OR4C46: variants seen among roughly 807,000 people sequenced by gnomAD.
OR4C46 encodes the protein olfactory receptor family 4 subfamily C member 46.
A neutral mutation model predicts 11.8 loss-of-function variants in OR4C46; 17 were observed. The observed-to-expected ratio is 1.44, with a 90% CI of 0.98 to 2.16. The LOEUF (loss-of-function observed/expected upper bound fraction) is 2.16, where lower values mean the gene tolerates loss of function less well. OR4C46 is among the 30% of genes most tolerant of loss of function. OR4C46 has a pLI of 0.00. For synonymous variants in OR4C46, 224 were observed against 137.6 expected, an observed-to-expected ratio of 1.63 and a Z score of -4.39; for missense variants, 606 against 372.1, an observed-to-expected ratio of 1.63 and a Z score of -5.17.
At position 54,603,072 on chromosome 11, in the gene OR4C46, T is replaced by C; in HGVS notation, c.927A>G (p.Lys309=). 6.6e-7 allele frequency: 1 copy of C among 1,521,652 alleles called. No homozygotes were observed. The highest frequency in any genetic ancestry group is 9.0e-7 in the Non-Finnish European group (1 of 1,105,544). The allele number at this position is 1,521,652 out of a possible 1,614,324, so 94.3% of individuals were successfully genotyped here. ...CAATGTTGAGCTCTAGTTACATTTA[T>C]TTGTCACCTGAAATGTCCTTTCTAC... ...LCSRKDISGD[K] is the part of the protein sequence containing the mutation. The change falls in exon 1 of 1, where the codon AAA becomes AAG. Residue 309 remains lysine (K), a synonymous_variant. Transcript: ENST00000328188.
In OR4C46 at chr11:54,603,702, G is replaced by T; in HGVS notation, c.297C>A (p.Val99=). Residue 99 remains valine (V), a synonymous_variant, in exon 1 of 1, where the codon GTC becomes GTA. Transcript: ENST00000328188. ...AILFNGCMTQ[V]FGEHFFGGAE... is the part of the protein sequence containing the mutation. ...CACCTCCGAAGAAATGTTCTCCAAA[G>T]ACTTGAGTCATGCATCCATTGAATA... 1 of 1,614,038 alleles carries T rather than the reference G, an allele frequency of 6.2e-7. No individual in the cohort carries two copies. Among genetic ancestry groups the T allele is most frequent in the Non-Finnish European group, 8.5e-7 (1 of 1,179,944 alleles).
rs776052214 is a variant in OR4C46 at position 54,603,888 on chromosome 11, C to G, written c.111G>C (p.Val37=). Residue 37 remains valine, a synonymous_variant, in exon 1 of 1, where the codon GTG becomes GTC. Transcript: ENST00000328188. ...VVFFVIYIIT[V]VGYVLIVVTI... ...TGACCACAATGAGCACATATCCCAC[C>G]ACAGTGATGATATAGATGACAAAAA... 6.2e-7 allele frequency: 1 copy of G among 1,613,718 alleles called. No individual in the cohort carries two copies. The highest frequency in any genetic ancestry group is 8.5e-7 in the Non-Finnish European group (1 of 1,179,830).
Position 54,603,936 on chromosome 11 carries a change from C to T in OR4C46, c.63G>A (p.Met21Ile), listed in dbSNP as rs372066510. The T allele has an allele frequency of 1.2e-5, 19 of 1,613,670 alleles. No homozygotes were observed. The highest frequency in any genetic ancestry group is 2.7e-5 in the African/African-American group (2 of 74,848). ...VLLGLTENPKMQKIIFVVFFV... is the reference protein window; with the variant it reads ...VLLGLTENPKIQKIIFVVFFV... ...AAAACACAACAAATATGATTTTCTG[C>T]ATCTTTGGATTCTCTGTAAGCCCCA... Residue 21 changes from methionine to isoleucine, a missense_variant, in exon 1 of 1, where the codon ATG becomes ATA. Met to Ile is a conservative substitution (Grantham distance 10). Coordinates refer to ENST00000328188, the MANE Select transcript of OR4C46 (RefSeq NM_001004703.1).
Position 54,603,765 on chromosome 11 carries a change from G to A in OR4C46, c.234C>T (p.Asn78=). The A allele has an allele frequency of 6.2e-7, 1 of 1,613,752 alleles. No individual in the cohort carries two copies. Among genetic ancestry groups the A allele is most frequent in the Non-Finnish European group, 8.5e-7 (1 of 1,179,816 alleles). Residue 78 remains asparagine (N), a synonymous_variant, in exon 1 of 1, where the codon AAC becomes AAT. Transcript: ENST00000328188. ...TTCCATAGAGTGAATGTGTGATCAG[G>A]TTAGGGGTATTGACAGAGGAATAGC... ...DACYSSVNTP[N]LITHSLYGKK...
In OR4C46 at chr11:54,603,444, G is replaced by A. The variant is rs150604998; in HGVS notation, c.555C>T (p.Leu185=). 231 of 1,613,708 alleles carry A rather than the reference G, an allele frequency of 1.4e-4. 1 individual carries two copies. In the African/African-American group the frequency reaches 2.7e-3, roughly 19 times the overall value. Residue 185 remains leucine, a synonymous_variant, in exon 1 of 1, where the codon CTC becomes CTT. Transcript: ENST00000328188. ...CCAGCATATGGGTGTCAGTGCAGGCGAGGTTGAGCAAAGGGTTCAGATCAC... is the reference window on the plus strand; with the variant it reads ...CCAGCATATGGGTGTCAGTGCAGGCAAGGTTGAGCAAAGGGTTCAGATCAC... The part of the protein sequence containing the change: ...FMCDLNPLLN[L]ACTDTHMLEL...
Position 54,603,248 on chromosome 11 carries a change from G to A in OR4C46, c.751C>T (p.Pro251Ser), listed in dbSNP as rs764016664. The A allele has an allele frequency of 1.2e-5, 20 of 1,612,366 alleles. No individual in the cohort carries two copies. Among genetic ancestry groups the A allele is most frequent in the South Asian group, 2.2e-5 (2 of 91,052 alleles). Residue 251 changes from proline (P) to serine (S), a missense_variant, in exon 1 of 1, where the codon CCC (proline) becomes TCC (serine). Physicochemically the swap from Pro to Ser is moderately conservative, Grantham distance 74. Coordinates refer to ENST00000328188, the MANE Select transcript of OR4C46 (RefSeq NM_001004703.1). ...HITVVILFFV[P>S]CIFVYMRPAA... ...GGTCTCATGTACACAAATATGCAGGGCACAAAGAATAAGATGACAACCGTG... is the reference window on the plus strand; with the variant it reads ...GGTCTCATGTACACAAATATGCAGGACACAAAGAATAAGATGACAACCGTG...
chr11:54,603,592 T>G lies in OR4C46; in HGVS notation c.407A>C (p.Gln136Pro). 2 of 1,614,100 alleles carry G rather than the reference T, an allele frequency of 1.2e-6. No homozygotes were observed. The highest frequency in any genetic ancestry group is 1.7e-6 in the Non-Finnish European group (2 of 1,179,984). ...TCCCATTAGCAGGGCACACACACACTGGTTCATGATAGTCATATAGTGCAA... is the reference window on the plus strand; with the variant it reads ...TCCCATTAGCAGGGCACACACACACGGGTTCATGATAGTCATATAGTGCAA... ...KPLHYMTIMN[Q>P]CVCALLMGVV... The change falls in exon 1 of 1, where the codon CAG (glutamine) becomes CCG (proline). Residue 136 changes from glutamine (Q) to proline (P), a missense_variant. Gln to Pro is a moderately conservative substitution (Grantham distance 76). Coordinates refer to ENST00000328188, the MANE Select transcript of OR4C46 (RefSeq NM_001004703.1).
Position 54,603,938 on chromosome 11 carries a change from T to C in OR4C46, c.61A>G (p.Met21Val), listed in dbSNP as rs751891587. Residue 21 changes from methionine to valine, a missense_variant, in exon 1 of 1, where the codon ATG becomes GTG. Transcript: ENST00000328188. Reference sequence around the variant, plus strand: ...AACACAACAAATATGATTTTCTGCATCTTTGGATTCTCTGTAAGCCCCAGC... The same window carrying C: ...AACACAACAAATATGATTTTCTGCACCTTTGGATTCTCTGTAAGCCCCAGC... Reference protein sequence around the residue: ...VLLGLTENPKMQKIIFVVFFV... With the variant: ...VLLGLTENPKVQKIIFVVFFV... 1 of 1,613,864 alleles carries C rather than the reference T, an allele frequency of 6.2e-7. No individual in the cohort carries two copies. Among genetic ancestry groups the C allele is most frequent in the Non-Finnish European group, 8.5e-7 (1 of 1,179,814 alleles).
chr11:54,603,894 G>T lies in OR4C46; in HGVS notation c.105C>A (p.Ile35=), dbSNP rs1462483093. The change falls in exon 1 of 1, where the codon ATC becomes ATA. Residue 35 remains isoleucine (I), a synonymous_variant. Coordinates refer to ENST00000328188, the MANE Select transcript of OR4C46 (RefSeq NM_001004703.1). ...IFVVFFVIYI[I]TVVGYVLIVV... ...CAATGAGCACATATCCCACCACAGT[G>T]ATGATATAGATGACAAAAAACACAA... is the stretch of plus-strand genomic sequence containing the variant. 1 of 1,613,582 alleles carries T rather than the reference G, an allele frequency of 6.2e-7. No individual in the cohort carries two copies. Among genetic ancestry groups the T allele is most frequent in the South Asian group, 1.1e-5 (1 of 91,078 alleles).
chr11:54,603,279 G>T lies in OR4C46; in HGVS notation c.720C>A (p.Ser240=). 1.2e-6 allele frequency: 2 copies of T among 1,613,392 alleles called. No homozygotes were observed. The highest frequency in any genetic ancestry group is 1.7e-6 in the Non-Finnish European group (2 of 1,179,472). ...AGAATAAGATGACAACCGTGATGTG[G>T]GAGACACAGGTGGAGAGGGCTTTGT... The part of the protein sequence containing the change: ...ARHKALSTCV[S]HITVVILFFV... The change falls in exon 1 of 1, where the codon TCC becomes TCA. Residue 240 remains serine, a synonymous_variant. Coordinates refer to ENST00000328188, the MANE Select transcript of OR4C46 (RefSeq NM_001004703.1).
rs1384237653 is a variant in OR4C46 at position 54,603,885 on chromosome 11, C to A, written c.114G>T (p.Val38=). 3 of 1,613,506 alleles carry A rather than the reference C, an allele frequency of 1.9e-6. No homozygotes were observed. In the South Asian group the frequency reaches 3.3e-5, roughly 18 times the overall value. ...VFFVIYIITV[V]GYVLIVVTIT... Reference sequence around the variant, plus strand: ...TGGTGACCACAATGAGCACATATCCCACCACAGTGATGATATAGATGACAA... The same window carrying A: ...TGGTGACCACAATGAGCACATATCCAACCACAGTGATGATATAGATGACAA... Residue 38 remains valine (V), a synonymous_variant, in exon 1 of 1, where the codon GTG becomes GTT. Coordinates refer to ENST00000328188, the MANE Select transcript of OR4C46 (RefSeq NM_001004703.1).
chr11:54,603,121 T>C lies in OR4C46; in HGVS notation c.878A>G (p.Lys293Arg). 1 of 1,523,392 alleles carries C rather than the reference T, an allele frequency of 6.6e-7. No individual in the cohort carries two copies. Among genetic ancestry groups the C allele is most frequent in the South Asian group, 1.2e-5 (1 of 86,174 alleles). The allele number at this position is 1,523,392 out of a possible 1,614,324, so 94.4% of individuals were successfully genotyped here. Reference protein sequence around the residue: ...LIYTLKNAQMKNAIRKLCSRK... With the variant: ...LIYTLKNAQMRNAIRKLCSRK... Reference sequence around the variant, plus strand: ...ACTACACAATTTCCTGATGGCATTTTTCATCTGGGCATTCTTCAAGGTATA... The same window carrying C: ...ACTACACAATTTCCTGATGGCATTTCTCATCTGGGCATTCTTCAAGGTATA... Residue 293 changes from lysine (K) to arginine (R), a missense_variant, in exon 1 of 1, where the codon AAA (lysine) becomes AGA (arginine). By Grantham distance (26) the Lys-to-Arg change is conservative. Coordinates refer to ENST00000328188, the MANE Select transcript of OR4C46 (RefSeq NM_001004703.1).
chr11:54,603,286 C>A lies in OR4C46; in HGVS notation c.713G>T (p.Cys238Phe). The change falls in exon 1 of 1, where the codon TGT becomes TTT. Residue 238 changes from cysteine (C) to phenylalanine (F), a missense_variant. By Grantham distance (205) the Cys-to-Phe change is radical (BLOSUM62 -2). Transcript: ENST00000328188. ...LEARHKALSTCVSHITVVILF... is the reference protein window; with the variant it reads ...LEARHKALSTFVSHITVVILF... ...GATGACAACCGTGATGTGGGAGACACAGGTGGAGAGGGCTTTGTGCCTTGC... is the reference window on the plus strand; with the variant it reads ...GATGACAACCGTGATGTGGGAGACAAAGGTGGAGAGGGCTTTGTGCCTTGC... 1 of 1,613,348 alleles carries A rather than the reference C, an allele frequency of 6.2e-7. No homozygotes were observed.
rs1197264980 is a variant in OR4C46, at chr11:54,603,817, AG to A, written c.181del (p.Leu61TrpfsTer19). On this transcript the variant is annotated frameshift_variant, in exon 1 of 1. Transcript: ENST00000328188. LOFTEE classifies it high-confidence loss of function. ...GGCATCAATAAAGGAGAGATAGGCC[AG>A]GGAAAGGTACATGGGGGACCCCAGT... is the stretch of plus-strand genomic sequence containing the variant. ...PSLGSPMYLS[L>X]AYLSFIDACY... 1 of 1,613,922 alleles carries A rather than the reference AG, an allele frequency of 6.2e-7. No individual in the cohort carries two copies. The highest frequency in any genetic ancestry group is 8.5e-7 in the Non-Finnish European group (1 of 1,179,822).
Position 54,603,326 on chromosome 11 carries a change from T to C in OR4C46, c.673A>G (p.Thr225Ala), listed in dbSNP as rs571215123. Residue 225 changes from threonine to alanine, a missense_variant, in exon 1 of 1, where the codon ACT becomes GCT. Physicochemically the swap from Thr to Ala is moderately conservative, Grantham distance 58 (BLOSUM62 0). Coordinates refer to ENST00000328188, the MANE Select transcript of OR4C46 (RefSeq NM_001004703.1). The stretch of plus-strand genomic sequence containing the variant: ...TTGTGCCTTGCCTCCAAGCTATGAG[T>C]CCTTAGGGAGCACAAGATGACCACA... ...SYVVILCSLR[T>A]HSLEARHKAL... The C allele has an allele frequency of 3.1e-6, 5 of 1,613,424 alleles. No homozygotes were observed. In the Admixed American group the frequency reaches 5.0e-5, roughly 16 times the overall value.
At position 54,603,963 on chromosome 11, in the gene OR4C46, C is replaced by A. The variant is rs774252265; in HGVS notation, c.36G>T (p.Leu12Phe). The A allele has an allele frequency of 2.5e-6, 4 of 1,613,658 alleles. No homozygotes were observed. Among genetic ancestry groups the A allele is most frequent in the Admixed American group, 1.7e-5 (1 of 60,002 alleles). Residue 12 changes from leucine (L) to phenylalanine (F), a missense_variant, in exon 1 of 1, where the codon TTG becomes TTT. Coordinates refer to ENST00000328188, the MANE Select transcript of OR4C46 (RefSeq NM_001004703.1). Reference sequence around the variant, plus strand: ...TCTTTGGATTCTCTGTAAGCCCCAGCAAAACAAACTCTGTCATGTTATTCC... The same window carrying A: ...TCTTTGGATTCTCTGTAAGCCCCAGAAAAACAAACTCTGTCATGTTATTCC... ...ENRNNMTEFVLLGLTENPKMQ... is the reference protein window; with the variant it reads ...ENRNNMTEFVFLGLTENPKMQ...
In OR4C46 at chr11:54,603,954, A is replaced by T. The variant is rs200769217; in HGVS notation, c.45T>A (p.Leu15=). 1.9e-6 allele frequency: 3 copies of T among 1,613,816 alleles called. No homozygotes were observed. In the Admixed American group the frequency reaches 5.0e-5, roughly 27 times the overall value. The stretch of plus-strand genomic sequence containing the variant: ...TTTTCTGCATCTTTGGATTCTCTGT[A>T]AGCCCCAGCAAAACAAACTCTGTCA... The part of the protein sequence containing the change: ...NNMTEFVLLG[L]TENPKMQKII... Residue 15 remains leucine (L), a synonymous_variant, in exon 1 of 1, where the codon CTT becomes CTA. Transcript: ENST00000328188.
At position 54,603,649 on chromosome 11, in the gene OR4C46, G is replaced by A. The variant is rs772113152; in HGVS notation, c.350C>T (p.Ala117Val). ...GAEGILLTVMAYDHYVAICKP... is the reference protein window; with the variant it reads ...GAEGILLTVMVYDHYVAICKP... Reference sequence around the variant, plus strand: ...GCAGATGGCCACATAGTGGTCATAGGCCATCACAGTAAGTAGGATGCCCTC... The same window carrying A: ...GCAGATGGCCACATAGTGGTCATAGACCATCACAGTAAGTAGGATGCCCTC... Residue 117 changes from alanine (A) to valine (V), a missense_variant, in exon 1 of 1, where the codon GCC becomes GTC. Physicochemically the swap from Ala to Val is moderately conservative, Grantham distance 64. Transcript: ENST00000328188. 16 of 1,614,026 alleles carry A rather than the reference G, an allele frequency of 9.9e-6. No individual in the cohort carries two copies. The highest frequency in any genetic ancestry group is 1.3e-5 in the African/African-American group (1 of 75,022).
Position 54,603,071 on chromosome 11 carries a change from A to G in OR4C46, c.928T>C (p.Ter310GlnextTer?), listed in dbSNP as rs781556885. 2.0e-6 allele frequency: 3 copies of G among 1,519,472 alleles called. No individual in the cohort carries two copies. The highest frequency in any genetic ancestry group is 1.1e-5 in the South Asian group (1 of 87,164). 94.1% of individuals were successfully genotyped at this position (1,519,472 alleles called of 1,614,324 possible). The change falls in exon 1 of 1, where the codon TAA becomes CAA. Residue 310 changes from the stop codon to glutamine (Q), a stop_lost. Transcript: ENST00000328188. ...TCAATGTTGAGCTCTAGTTACATTT[A>G]TTTGTCACCTGAAATGTCCTTTCTA... Reference protein sequence around the residue: ...CSRKDISGDK* With the variant: ...CSRKDISGDKQ
Sources: gnomAD v4.1 joint callset for allele counts on GRCh38, gnomAD v4.1.1 for gene constraint, MANE v1.5 for transcripts, NCBI Gene and HGNC (gene_info 2026-07-23, HGNC 2026-07-21) for gene names.